PPP2R2C: variants seen among roughly 807,000 people sequenced by gnomAD.
PPP2R2C encodes protein phosphatase 2 regulatory subunit Bgamma, also known as protein phosphatase 2, regulatory subunit B, gamma.
Under a neutral mutation model 45.3 loss-of-function variants are expected in PPP2R2C, and 10 were observed. That is an observed-to-expected ratio of 0.22 (90% CI 0.14 to 0.37). PPP2R2C has a LOEUF of 0.37. PPP2R2C is among the 10% of genes least tolerant of loss of function. PPP2R2C has a pLI of 1.00. For synonymous variants in PPP2R2C, 257 were observed against 245.4 expected (o/e 1.05, Z -0.44); for missense variants, 308 against 619.7 (o/e 0.50, Z 5.34).
intron 1 of PPP2R2C, chr4:6,383,664 G>T: frequency 1.9e-6 from 1 of 534,780 alleles, no homozygotes; most frequent in Non-Finnish European, 2.8e-6. Context: ...AGGACACCCT[G>T]ACCATCCCTG....
In PPP2R2C at chr4:6,378,251, A is replaced by G; in HGVS notation, c.334+156T>C. ...GCGTCTGAGGGGGTCTGGCATACTC[A>G]CTCATGGGATTTATATGCTGCTCAA... On this transcript the variant is annotated intron_variant, in intron 3 of 8. Coordinates refer to ENST00000382599, the MANE Select transcript of PPP2R2C (RefSeq NM_020416.4). The surrounding 1 kb of genome is among the most constrained non-coding windows in gnomAD (Gnocchi z 5.2). 10 of 929,842 alleles carry G rather than the reference A, an allele frequency of 1.1e-5. 1 individual carries two copies. Among genetic ancestry groups the G allele is most frequent in the Non-Finnish European group, 1.3e-5 (10 of 779,982 alleles). The allele number at this position is 929,842 out of a possible 1,614,324, so 57.6% of individuals were successfully genotyped here. A position where few individuals can be genotyped will look rare whatever the true frequency, so the allele number is the denominator to read the frequency against.
intron 1 of PPP2R2C, among the ~76,000 whole-genome samples, chr4:6,453,714 A>G (rs1298579429): frequency 2.0e-5 from 3 of 152,204 alleles, no homozygotes; most frequent in Admixed American, 2.0e-4. Flanking sequence ...CTTGGAGTCA[A>G]GCCACACTGA....
intron 8 of PPP2R2C, among the ~76,000 whole-genome samples, chr4:6,327,817 C>T (rs954665902): frequency 3.9e-5 from 6 of 152,158 alleles, no homozygotes; most frequent in African/African-American, 7.2e-5. Flanking sequence ...TGCCTGAGCT[C>T]GGGCTCTGCT....
chr4:6,546,584 A>T (rs956876516), intron 1 of PPP2R2C, among the ~76,000 whole-genome samples: 2 of 152,180 alleles, frequency 1.3e-5, no homozygotes, highest in Non-Finnish European at 2.9e-5. Flanking sequence ...CCCTTCACTA[A>T]GCATCTCAGC....
chr4:6,500,883 C>A (rs886422747), intron 2 of PPP2R2C, among the ~76,000 whole-genome samples: 2 of 152,222 alleles, frequency 1.3e-5, no homozygotes, highest in African/African-American at 4.8e-5. Context: ...AAAGCTGACA[C>A]GGGAAGAGTG....
Position 6,329,172 on chromosome 4 carries a change from C to G in PPP2R2C, c.1052+90G>C. On this transcript the variant is annotated intron_variant, in intron 8 of 8. Coordinates refer to ENST00000382599, the MANE Select transcript of PPP2R2C (RefSeq NM_020416.4). The surrounding 1 kb of genome is among the most constrained non-coding windows in gnomAD (Gnocchi z 5.8). ...CCCATTGAGGCTGAGTAGCCCCATG[C>G]TGCGGGTCACCGGAATCCCAGCCCA... The G allele has an allele frequency of 7.9e-7, 1 of 1,258,714 alleles. No homozygotes were observed. The highest frequency in any genetic ancestry group is 1.1e-6 in the Non-Finnish European group (1 of 877,176). 78.0% of individuals were successfully genotyped at this position (1,258,714 alleles called of 1,614,324 possible). A position where few individuals can be genotyped will look rare whatever the true frequency, so the allele number is the denominator to read the frequency against.
intron 2 of PPP2R2C, among the ~76,000 whole-genome samples, chr4:6,520,961 A>G (rs1723999958): frequency 6.6e-6 from 1 of 152,194 alleles, no homozygotes; most frequent in Non-Finnish European, 1.5e-5. Context: ...GTTAATTATC[A>G]CCATGACCTC....
At chr4:6,401,873 C>T (rs1560517992) in intron 1 of PPP2R2C, among the ~76,000 whole-genome samples, 1 of 152,172 alleles carries the variant, frequency 6.6e-6, no homozygotes, top group Non-Finnish European at 1.5e-5. Context: ...CGATGCCAGA[C>T]ACTGTACTGG....
chr4:6,459,938 GA>G (rs1721242211), intron 1 of PPP2R2C, among the ~76,000 whole-genome samples: 2 of 152,176 alleles, frequency 1.3e-5, no homozygotes, highest in African/African-American at 2.4e-5. Flanking sequence ...AGATACTTCA[GA>G]AAGACCAAAC....
chr4:6,535,248 G>A (rs930467068), intron 2 of PPP2R2C: 21 of 1,534,974 alleles, frequency 1.4e-5, no homozygotes, highest in South Asian at 4.8e-5. Flanking sequence ...GCTGCTGCCC[G>A]GCTGTGAGAA....
chr4:6,386,920 A>T (rs1389499165), intron 1 of PPP2R2C, among the ~76,000 whole-genome samples: 1 of 152,240 alleles, frequency 6.6e-6, no homozygotes. Flanking sequence ...TGAAAATTCT[A>T]TAACTTAAAA....
chr4:6,371,403 C>A (rs1714817249), intron 5 of PPP2R2C, among the ~76,000 whole-genome samples: 1 of 152,238 alleles, frequency 6.6e-6, no homozygotes. Flanking sequence ...CTCCCCTGCT[C>A]CCCACAGCTA....
At chr4:6,445,730 A>C (rs1381986361) in intron 1 of PPP2R2C, among the ~76,000 whole-genome samples, 2 of 140,196 alleles carry the variant, frequency 1.4e-5, no homozygotes, top group Admixed American at 1.4e-4. Flanking sequence ...AAATAAATAA[A>C]TAAATAAATG....
intron 2 of PPP2R2C, among the ~76,000 whole-genome samples, chr4:6,525,469 C>T (rs80336648): frequency 0.011 from 1,727 of 151,194 alleles, 44 homozygotes; most frequent in African/African-American, 0.041. Flanking sequence ...TAAATGGACC[C>T]CCTCTTGGCC....
chr4:6,475,739 C>A (rs934831328), upstream of PPP2R2C, among the ~76,000 whole-genome samples: 1 of 152,242 alleles, frequency 6.6e-6, no homozygotes, highest in East Asian at 1.9e-4. Flanking sequence ...GGCTATGTCT[C>A]CCTGTGCTTC....
chr4:6,423,659 T>TA (rs1719111277), intron 1 of PPP2R2C, among the ~76,000 whole-genome samples: 1 of 152,210 alleles, frequency 6.6e-6, no homozygotes, highest in Non-Finnish European at 1.5e-5. Flanking sequence ...AACAAAGGGT[T>TA]GAAGTGAGAA....
chr4:6,363,232 T>C (rs555963473), intron 5 of PPP2R2C, among the ~76,000 whole-genome samples: 1 of 152,282 alleles, frequency 6.6e-6, no homozygotes, highest in African/African-American at 2.4e-5. Context: ...CAATACCCTC[T>C]CTTCTGGGGA....
intron 1 of PPP2R2C, among the ~76,000 whole-genome samples, chr4:6,439,033 A>G (rs1720024651): frequency 6.6e-6 from 1 of 152,242 alleles, no homozygotes; most frequent in Non-Finnish European, 1.5e-5. Flanking sequence ...GAGATGTGGA[A>G]GAAACCCAGT....
chr4:6,455,060 G>A (rs1184839729), intron 1 of PPP2R2C, among the ~76,000 whole-genome samples: 7 of 145,178 alleles, frequency 4.8e-5, no homozygotes, highest in Admixed American at 1.4e-4. Flanking sequence ...ACCTAGTGCT[G>A]GAGCTGAAAT....
Sources: allele counts gnomAD v4.1 joint callset (sites outside exome capture counted in the v4.1 genomes callset), GRCh38; gene constraint gnomAD v4.1.1; non-coding constraint Gnocchi (gnomAD v3.1); transcripts MANE v1.5; gene names NCBI Gene and HGNC (gene_info 2026-07-23, HGNC 2026-07-21).